The following ZC3H12B variants were observed in gnomAD, a reference collection of about 807,000 sequenced individuals.
ZC3H12B encodes probable ribonuclease ZC3H12B.
In ZC3H12B, 7 loss-of-function variants were observed where a neutral mutation model predicts 43.9. That is an observed-to-expected ratio of 0.16 (90% CI 0.09 to 0.30). The LOEUF (loss-of-function observed/expected upper bound fraction) is 0.30. ZC3H12B is among the 10% of genes least tolerant of loss of function. The pLI is 1.00. For missense variants in ZC3H12B, 475 were observed against 670.2 expected (o/e 0.71, Z 3.22); for synonymous variants, 222 against 241.7 (o/e 0.92, Z 0.76).
At chrX:65,043,714 G>A in the ZC3H12B span, among the ~76,000 whole-genome samples, 4 of 111,118 alleles carry the variant, frequency 3.6e-5, no homozygotes, top group East Asian at 2.8e-4. Flanking sequence ...CAGTGAAACC[G>A]AAATAATATC....
intron 3 of ZC3H12B, among the ~76,000 whole-genome samples, chrX:65,401,113 C>CA (rs1232272587): frequency 9.1e-6 from 1 of 109,549 alleles, no homozygotes; most frequent in Non-Finnish European, 1.9e-5. Context: ...TCATTAGAAC[C>CA]AAAAATCAGA....
the ZC3H12B span, among the ~76,000 whole-genome samples, chrX:65,073,828 C>T: frequency 9.0e-6 from 1 of 111,646 alleles, no homozygotes; most frequent in East Asian, 2.8e-4. Flanking sequence ...TGTTGGAGGC[C>T]AAGAACAAGT....
chrX:65,090,647 T>C, the ZC3H12B span, among the ~76,000 whole-genome samples: 1 of 111,426 alleles, frequency 9.0e-6, no homozygotes, highest in Non-Finnish European at 1.9e-5. Flanking sequence ...TGTTACCTTA[T>C]ATAGTAGAAG....
the ZC3H12B span, among the ~76,000 whole-genome samples, chrX:65,300,395 C>G: frequency 3.1e-4 from 35 of 111,472 alleles, no homozygotes; most frequent in Non-Finnish European, 3.8e-5. Flanking sequence ...CTGGCTTTCT[C>G]CCACTCATCT....
chrX:65,110,233 C>T, the ZC3H12B span, among the ~76,000 whole-genome samples: 1 of 109,922 alleles, frequency 9.1e-6, no homozygotes, highest in Admixed American at 9.9e-5. Context: ...TTCTCCTAGC[C>T]TGTAGTTTGT....
chrX:65,227,330 C>G, the ZC3H12B span, among the ~76,000 whole-genome samples: 2 of 111,526 alleles, frequency 1.8e-5, no homozygotes, highest in Non-Finnish European at 3.8e-5. Context: ...TTCTTTGAAA[C>G]CAATGACAAC....
chrX:65,066,645 G>A, the ZC3H12B span, among the ~76,000 whole-genome samples: 23 of 112,105 alleles, frequency 2.1e-4, no homozygotes, highest in Non-Finnish European at 3.6e-4. Flanking sequence ...GTGGCAGTCT[G>A]TCCCTTAGCA....
At chrX:65,123,809 A>C in the ZC3H12B span, among the ~76,000 whole-genome samples, 1 of 105,993 alleles carries the variant, frequency 9.4e-6, no homozygotes, top group Non-Finnish European at 1.9e-5. Context: ...GTTGGTGTAT[A>C]GCAGAGCTAC....
chrX:65,146,883 T>C, the ZC3H12B span, among the ~76,000 whole-genome samples: 1 of 111,300 alleles, frequency 9.0e-6, no homozygotes, highest in Non-Finnish European at 1.9e-5. Context: ...GCAGGAGCAA[T>C]TTGCTTCCTT....
intron 2 of ZC3H12B, among the ~76,000 whole-genome samples, chrX:65,378,805 G>C (rs926788804): frequency 2.7e-5 from 3 of 112,721 alleles, no homozygotes; most frequent in Admixed American, 9.3e-5. Context: ...GAAGTGCAAG[G>C]GGTCAGGGAG....
At chrX:65,274,921 A>G in the ZC3H12B span, among the ~76,000 whole-genome samples, 2 of 112,090 alleles carry the variant, frequency 1.8e-5, no homozygotes, top group Non-Finnish European at 3.8e-5. Flanking sequence ...CAAGCAGCCT[A>G]CCACCTACAT....
At chrX:65,374,087 GT>G (rs1479186374) in intron 2 of ZC3H12B, among the ~76,000 whole-genome samples, 10 of 55,554 alleles carry the variant, frequency 1.8e-4, no homozygotes, top group African/African-American at 7.7e-4. Context: ...ACTATATATA[GT>G]ATATATATAA....
At chrX:65,310,517 A>T in the ZC3H12B span, among the ~76,000 whole-genome samples, 1 of 112,197 alleles carries the variant, frequency 8.9e-6, no homozygotes, top group Admixed American at 9.4e-5. Flanking sequence ...AAATGGAAGA[A>T]CATTCTATGC....
the ZC3H12B span, among the ~76,000 whole-genome samples, chrX:65,274,778 A>G: frequency 9.0e-6 from 1 of 110,691 alleles, no homozygotes. Flanking sequence ...TGCCCCCAAT[A>G]AGGGCCTGAA....
At chrX:65,289,192 T>C in the ZC3H12B span, among the ~76,000 whole-genome samples, 10 of 110,738 alleles carry the variant, frequency 9.0e-5, no homozygotes, top group East Asian at 2.8e-3. Flanking sequence ...TTCAATGTAA[T>C]CCCAATCAAA....
chrX:65,383,460 G>C (rs2066473723), intron 2 of ZC3H12B, among the ~76,000 whole-genome samples: 1 of 111,762 alleles, frequency 8.9e-6, no homozygotes, highest in Non-Finnish European at 1.9e-5. Context: ...ATTCAAGATG[G>C]ATTAAAGACT....
the ZC3H12B span, among the ~76,000 whole-genome samples, chrX:65,354,178 C>T: frequency 1.2e-4 from 13 of 112,112 alleles, no homozygotes; most frequent in Admixed American, 9.4e-5. Context: ...TGAGGAGACA[C>T]CTCCCAGCAG....
At chrX:65,346,556 T>G in the ZC3H12B span, among the ~76,000 whole-genome samples, 1 of 112,430 alleles carries the variant, frequency 8.9e-6, no homozygotes, top group Non-Finnish European at 1.9e-5. Flanking sequence ...ATTTTTTACA[T>G]TCTGTACAAA....
At chrX:65,160,230 G>A in the ZC3H12B span, among the ~76,000 whole-genome samples, 13 of 111,323 alleles carry the variant, frequency 1.2e-4, no homozygotes, top group East Asian at 1.1e-3. Flanking sequence ...TTCTCCTTTC[G>A]GTTGTGTCTC....
Sources: allele counts gnomAD v4.1 joint callset (sites outside exome capture counted in the v4.1 genomes callset), GRCh38; gene constraint gnomAD v4.1.1; transcripts MANE v1.5; gene names NCBI Gene and HGNC (gene_info 2026-07-23, HGNC 2026-07-21).